Variants in TMEM131L observed in about 807,000 individuals in gnomAD.
The protein encoded by TMEM131L is transmembrane 131 like.
TMEM131L carries 54 observed loss-of-function variants against 192.2 expected under a neutral mutation model. The ratio of observed to expected loss-of-function variants is 0.28; its 90% CI spans 0.23 to 0.35. TMEM131L has a LOEUF of 0.35. Ranked by LOEUF, TMEM131L falls within the 10% of genes least tolerant of loss-of-function variation. The probability of loss-of-function intolerance (pLI) is 1.00; values close to 1 mark genes in which losing one functional copy is unlikely to be tolerated. For synonymous variants in TMEM131L, 701 were observed against 704.9 expected (o/e 0.99, Z 0.09); for missense variants, 1,888 against 1,972.9 (o/e 0.96, Z 0.82).
rs1233152092 is a variant in TMEM131L at position 153,504,092 on chromosome 4, G to A, written c.239+30204G>A. Among the ~76,000 whole-genome samples the A allele has an allele frequency of 2.6e-5, 4 of 151,180 alleles. No individual in the cohort carries two copies. The East Asian group carries it at 7.8e-4, about 30-fold the overall frequency. On this transcript the variant is annotated intron_variant, in intron 3 of 34. Transcript: ENST00000409959. ...CGCCATTCTCCTGCCTCAGCCTCCC[G>A]AGTAGCTGGGACTACAGGCGCCCGC...
chr4:153,626,524 G>A (rs1342552869), intron 30 of TMEM131L, among the ~76,000 whole-genome samples: 2 of 152,170 alleles, frequency 1.3e-5, no homozygotes, highest in Admixed American at 6.5e-5. Flanking sequence ...GGGAGGCCAG[G>A]GTGGGAGGAT....
intron 3 of TMEM131L, among the ~76,000 whole-genome samples, chr4:153,526,667 G>T (rs1399843497): frequency 6.6e-6 from 1 of 152,054 alleles, no homozygotes; most frequent in Non-Finnish European, 1.5e-5. Flanking sequence ...GAACCCGGGA[G>T]GCGGAGCTTG....
At position 153,586,335 on chromosome 4, in the gene TMEM131L, G is replaced by C; in HGVS notation, c.1438G>C (p.Ala480Pro). The C allele has an allele frequency of 1.2e-6, 2 of 1,604,436 alleles. No homozygotes were observed. The highest frequency in any genetic ancestry group is 1.7e-6 in the Non-Finnish European group (2 of 1,176,626). The change falls in exon 14 of 35, where the codon GCC (alanine) becomes CCC (proline). Residue 480 changes from alanine to proline, a missense_variant. Physicochemically the swap from Ala to Pro is conservative, Grantham distance 27. Transcript: ENST00000409959. ...TGTATTTTTGACTACAAACATAGGT[G>C]CCATTTTTGCAATACCTCTACAGAT... ...TNVFLTTNIG[A>P]IFAIPLQIYS...
At chr4:153,596,985 G>A (rs1432819779) in intron 20 of TMEM131L, among the ~76,000 whole-genome samples, 2 of 152,116 alleles carry the variant, frequency 1.3e-5, no homozygotes, top group African/African-American at 4.8e-5. Flanking sequence ...AAATACAGAT[G>A]TATCTTGAAG....
chr4:153,521,658 G>C (rs192383361), intron 3 of TMEM131L, among the ~76,000 whole-genome samples: 73 of 152,110 alleles, frequency 4.8e-4, no homozygotes, highest in Non-Finnish European at 1.0e-3. Context: ...AACTGAAACT[G>C]TGCCCATTGA....
chr4:153,476,536 A>AT (rs567054643), intron 3 of TMEM131L, among the ~76,000 whole-genome samples: 90 of 152,142 alleles, frequency 5.9e-4, no homozygotes, highest in African/African-American at 2.1e-3. Flanking sequence ...TCTCTACTAA[A>AT]TACACAAAAA....
chr4:153,580,332 T>C (rs892841559), intron 7 of TMEM131L, among the ~76,000 whole-genome samples: 1 of 152,258 alleles, frequency 6.6e-6, no homozygotes, highest in African/African-American at 2.4e-5. Context: ...AGTTGAATTT[T>C]GGACATCTCT....
chr4:153,562,379 A>C (rs961295246), intron 7 of TMEM131L, among the ~76,000 whole-genome samples: 4 of 152,218 alleles, frequency 2.6e-5, no homozygotes, highest in African/African-American at 9.6e-5. Context: ...ACAAAAACTT[A>C]AAAAATTTAA....
intron 31 of TMEM131L, among the ~76,000 whole-genome samples, chr4:153,629,780 C>G (rs911950612): frequency 5.9e-5 from 9 of 152,158 alleles, no homozygotes; most frequent in African/African-American, 2.2e-4. Context: ...GCTGGTAGAC[C>G]TTAGGTTCCT....
chr4:153,472,896 A>G (rs1731257555), intron 2 of TMEM131L, among the ~76,000 whole-genome samples: 1 of 152,226 alleles, frequency 6.6e-6, no homozygotes, highest in Non-Finnish European at 1.5e-5. Flanking sequence ...GCTGAAATAT[A>G]GGAACTGAGA....
intron 5 of TMEM131L, among the ~76,000 whole-genome samples, chr4:153,556,116 C>T (rs1037333805): frequency 0.011 from 51 of 4,780 alleles, no homozygotes; most frequent in African/African-American, 0.043. Context: ...CTACTGGGGC[C>T]GGGGGGAGGT....
At chr4:153,536,599 C>T (rs553350149) in intron 3 of TMEM131L, among the ~76,000 whole-genome samples, 9 of 152,314 alleles carry the variant, frequency 5.9e-5, no homozygotes, top group African/African-American at 2.2e-4. Context: ...AAACACATTT[C>T]ATTTAATCCT....
At chr4:153,633,921 G>A (rs576861015) in intron 32 of TMEM131L, among the ~76,000 whole-genome samples, 21 of 152,282 alleles carry the variant, frequency 1.4e-4, no homozygotes, top group African/African-American at 4.8e-4. Context: ...ATAAAGCCAC[G>A]GCTCTCTATT....
chr4:153,623,720 T>C (rs1733618781), intron 29 of TMEM131L, among the ~76,000 whole-genome samples: 1 of 152,250 alleles, frequency 6.6e-6, no homozygotes, highest in Non-Finnish European at 1.5e-5. Flanking sequence ...TACTCCATTG[T>C]ATGTGCAGAC....
Position 153,598,729 on chromosome 4 carries a change from A to T in TMEM131L, c.2263A>T (p.Arg755Ter). The part of the protein sequence containing the change: ...VPESTLMDCR[R>*]QLKDSKQILS... ...CGAGTCCACGCTGATGGACTGCCGT[A>T]GACGTGAGTTCATATGTGTGGCACT... is the stretch of plus-strand genomic sequence containing the variant. The change falls in exon 21 of 35, where the codon AGA becomes TGA. Residue 755 changes from arginine (R) to a stop codon, truncating the protein, a stop_gained. Coordinates refer to ENST00000409959, the MANE Select transcript of TMEM131L (RefSeq NM_001131007.2). LOFTEE classifies it high-confidence loss of function. The T allele has an allele frequency of 6.2e-7, 1 of 1,612,906 alleles. No individual in the cohort carries two copies. The highest frequency in any genetic ancestry group is 8.5e-7 in the Non-Finnish European group (1 of 1,179,220).
intron 3 of TMEM131L, among the ~76,000 whole-genome samples, chr4:153,478,266 T>G (rs1420260832): frequency 6.6e-6 from 1 of 152,166 alleles, no homozygotes; most frequent in African/African-American, 2.4e-5. Flanking sequence ...TCTCCAAGAA[T>G]TAGCTCTGTA....
chr4:153,633,304 A>C, intron 32 of TMEM131L: 1 of 153,710 alleles, frequency 6.5e-6, no homozygotes, highest in Non-Finnish European at 1.4e-5. Context: ...GCAGCCTTGA[A>C]CTCCTGGGTT....
chr4:153,555,768 T>C lies in TMEM131L; in HGVS notation c.309-19T>C, dbSNP rs1045562206. ...TAACCACACAATACATTGATTTTTCTCTTTGTTTCTCCTCCTAGGTTCCTG... is the reference window on the plus strand; with the variant it reads ...TAACCACACAATACATTGATTTTTCCCTTTGTTTCTCCTCCTAGGTTCCTG... On this transcript the variant is annotated intron_variant, in intron 4 of 34. Transcript: ENST00000409959. The surrounding 1 kb of genome is among the most constrained non-coding windows in gnomAD (Gnocchi z 4.1). 1 of 1,546,648 alleles carries C rather than the reference T, an allele frequency of 6.5e-7. No homozygotes were observed.
At chr4:153,497,176 G>A (rs575126895) in intron 3 of TMEM131L, among the ~76,000 whole-genome samples, 1 of 152,248 alleles carries the variant, frequency 6.6e-6, no homozygotes, top group African/African-American at 2.4e-5. Flanking sequence ...TTTTCGAAGG[G>A]AATGTTTTTG....
Sources: allele counts gnomAD v4.1 joint callset (sites outside exome capture counted in the v4.1 genomes callset), GRCh38; gene constraint gnomAD v4.1.1; non-coding constraint Gnocchi (gnomAD v3.1); transcripts MANE v1.5; gene names NCBI Gene and HGNC (gene_info 2026-07-23, HGNC 2026-07-21).